TMOD2: variants seen among roughly 807,000 people sequenced by gnomAD.
The protein encoded by TMOD2 is tropomodulin 2, also known as tropomodulin-2.
In TMOD2, 22 loss-of-function variants were observed where a neutral mutation model predicts 39.9. The observed-to-expected ratio is 0.55, with a 90% CI of 0.39 to 0.79. The LOEUF is 0.79. Ranked by LOEUF, TMOD2 falls within the 30% of genes least tolerant of loss-of-function variation. TMOD2 has a pLI of 0.00. For missense variants in TMOD2, 386 were observed against 413.3 expected (o/e 0.93, Z 0.57); for synonymous variants, 123 against 146.1 (o/e 0.84, Z 1.14).
At chr15:51,799,649 G>A (rs990097552) in intron 8 of TMOD2, among the ~76,000 whole-genome samples, 2 of 152,132 alleles carry the variant, frequency 1.3e-5, no homozygotes, top group South Asian at 4.1e-4. Context: ...ACAGGGCCCC[G>A]CACACTCAGG....
chr15:51,796,888 G>A (rs1276985957), intron 7 of TMOD2, among the ~76,000 whole-genome samples: 6 of 152,164 alleles, frequency 3.9e-5, no homozygotes, highest in African/African-American at 7.2e-5. Flanking sequence ...TCTACCTCCG[G>A]TGATCCTGGC....
intron 3 of TMOD2, 123 bp from the exon 4 acceptor site, chr15:51,773,589 T>C (rs1324373465): frequency 1.4e-5 from 13 of 915,022 alleles, no homozygotes; most frequent in Non-Finnish European, 2.1e-5. Flanking sequence ...GGAATCTCGG[T>C]TGGATATGAA....
intron 1 of TMOD2, among the ~76,000 whole-genome samples, chr15:51,757,354 A>G (rs893931078): frequency 1.4e-5 from 2 of 144,102 alleles, no homozygotes; most frequent in Non-Finnish European, 3.0e-5. Flanking sequence ...GTGAACGGAG[A>G]TCGCACCACT....
intron 1 of TMOD2, among the ~76,000 whole-genome samples, chr15:51,752,331 C>T (rs559125058): frequency 6.6e-6 from 1 of 152,274 alleles, no homozygotes; most frequent in South Asian, 2.1e-4. Context: ...TAAATGTTCC[C>T]TGTTGACCTG....
intron 1 of TMOD2, among the ~76,000 whole-genome samples, chr15:51,754,500 T>C (rs1332465050): frequency 6.6e-6 from 1 of 152,236 alleles, no homozygotes; most frequent in Non-Finnish European, 1.5e-5. Flanking sequence ...CTTACAACAC[T>C]TAATCTCTTA....
intron 7 of TMOD2, 154 bp downstream of exon 7, chr15:51,782,982 C>A: frequency 1.6e-6 from 1 of 625,944 alleles, no homozygotes; most frequent in Non-Finnish European, 2.8e-6. Flanking sequence ...AATAGTTAAA[C>A]TTCAGAACTG....
At chr15:51,806,355 A>G (rs2141645650) in intron 8 of TMOD2, 22 bp from the exon 9 acceptor site, 1 of 1,613,690 alleles carries the variant, frequency 6.2e-7, no homozygotes, top group Non-Finnish European at 8.5e-7. Context: ...CATCCTGTGC[A>G]TGTGTCTGCA....
intron 7 of TMOD2, among the ~76,000 whole-genome samples, chr15:51,789,017 C>T (rs537834038): frequency 6.6e-6 from 1 of 152,284 alleles, no homozygotes; most frequent in East Asian, 1.9e-4. Flanking sequence ...CAATATTAGC[C>T]TTAAATGTAA....
At chr15:51,790,550 CAA>C (rs2056003540) in intron 7 of TMOD2, among the ~76,000 whole-genome samples, 2 of 151,940 alleles carry the variant, frequency 1.3e-5, no homozygotes, top group East Asian at 3.9e-4. Flanking sequence ...AGAGACACAA[CAA>C]AAAAAGAGGA....
chr15:51,814,817 T>C lies in TMOD2; in HGVS notation c.*6363T>C, dbSNP rs2056178034. On this transcript the variant is annotated 3_prime_UTR_variant, in exon 10 of 10. Coordinates refer to ENST00000249700, the MANE Select transcript of TMOD2 (RefSeq NM_014548.4). ...GTTGCCTCTGAACATGGGTGAGTAA[T>C]GCCTCCACTGCAGCTGTTTCTCTCC... The C allele has an allele frequency of 6.6e-6, 1 of 152,242 alleles. No homozygotes were observed. The highest frequency in any genetic ancestry group is 1.5e-5 in the Non-Finnish European group (1 of 68,068). The allele number at this position is 152,242 out of a possible 1,614,324, so 9.4% of individuals were successfully genotyped here.
intron 1 of TMOD2, among the ~76,000 whole-genome samples, chr15:51,756,059 A>G (rs952379828): frequency 2.0e-5 from 3 of 152,200 alleles, no homozygotes; most frequent in African/African-American, 7.2e-5. Flanking sequence ...GAGGTCAAGC[A>G]AGAGGAACTC....
intron 7 of TMOD2, among the ~76,000 whole-genome samples, chr15:51,787,534 G>A (rs535694397): frequency 6.6e-6 from 1 of 152,354 alleles, no homozygotes; most frequent in African/African-American, 2.4e-5. Context: ...TCCGATAACG[G>A]ACAGACTGCC....
chr15:51,769,495 A>C (rs1054619816), intron 3 of TMOD2, among the ~76,000 whole-genome samples: 2 of 152,174 alleles, frequency 1.3e-5, no homozygotes, highest in African/African-American at 4.8e-5. Context: ...GTAGTGAGAG[A>C]AACAGGATGA....
At chr15:51,791,209 GAACA>G (rs1456385533) in intron 7 of TMOD2, among the ~76,000 whole-genome samples, 2 of 150,828 alleles carry the variant, frequency 1.3e-5, no homozygotes, top group East Asian at 1.9e-4. Context: ...TATACACCAA[GAACA>G]AACAGAGAGC....
chr15:51,768,459 T>TA, intron 3 of TMOD2, 41 bp downstream of exon 3: 1 of 1,499,330 alleles, frequency 6.7e-7, no homozygotes, highest in South Asian at 1.2e-5. Flanking sequence ...AGAGGTTCTC[T>TA]CTTTTTTTTT....
Position 51,768,273 on chromosome 15 carries a change from G to A in TMOD2, c.138G>A (p.Leu46=). Reference sequence around the variant, plus strand: ...CTCTTTCTTGTCAGAGTGCCATGCTGCCAGCTGGATTTCGACAGAAAGACC... The same window carrying A: ...CTCTTTCTTGTCAGAGTGCCATGCTACCAGCTGGATTTCGACAGAAAGACC... ...LDDLDPESAM[L]PAGFRQKDQT... Residue 46 remains leucine, a synonymous_variant, in exon 3 of 10, where the codon CTG becomes CTA. Coordinates refer to ENST00000249700, the MANE Select transcript of TMOD2 (RefSeq NM_014548.4). 6.2e-7 allele frequency: 1 copy of A among 1,614,112 alleles called. No homozygotes were observed. The highest frequency in any genetic ancestry group is 8.5e-7 in the Non-Finnish European group (1 of 1,180,000).
intron 5 of TMOD2, among the ~76,000 whole-genome samples, chr15:51,777,606 CATCA>C (rs981365580): frequency 1.3e-5 from 2 of 152,126 alleles, no homozygotes; most frequent in African/African-American, 2.4e-5. Context: ...TTCATTCATT[CATCA>C]GTCATCCACT....
rs2056166388 is a variant in TMOD2, at chr15:51,813,066, G to A, written c.*4612G>A. 6.6e-6 allele frequency: 1 copy of A among 152,080 alleles called. No individual in the cohort carries two copies. The highest frequency in any genetic ancestry group is 2.4e-5 in the African/African-American group (1 of 41,404). 9.4% of individuals were successfully genotyped at this position (152,080 alleles called of 1,614,324 possible). ...CAGAGAAAAGCGCCAAGAACTTCAG[G>A]GATATTATTCACTGCTTTATTGCTC... is the stretch of plus-strand genomic sequence containing the variant. On this transcript the variant is annotated 3_prime_UTR_variant, in exon 10 of 10. Transcript: ENST00000249700.
At chr15:51,778,285 A>G (rs2055902908) in intron 5 of TMOD2, among the ~76,000 whole-genome samples, 1 of 138,204 alleles carries the variant, frequency 7.2e-6, no homozygotes. Context: ...GAATTGAACA[A>G]TGAGAACACA....
Sources: gnomAD v4.1 joint callset for allele counts (sites outside exome capture counted in the v4.1 genomes callset) on GRCh38, gnomAD v4.1.1 for gene constraint, MANE v1.5 for transcripts, NCBI Gene and HGNC (gene_info 2026-07-23, HGNC 2026-07-21) for gene names.